The following TEX101 variants were observed in gnomAD, a reference collection of about 807,000 sequenced individuals.
The protein encoded by TEX101 is testis expressed 101, also known as testis-expressed protein 101.
TEX101 carries 10 observed loss-of-function variants against 18.1 expected under a neutral mutation model. The ratio of observed to expected loss-of-function variants is 0.55; its 90% confidence interval spans 0.34 to 0.94. TEX101 has a LOEUF of 0.94. TEX101 is among the 40% of genes least tolerant of loss of function. The probability of loss-of-function intolerance (pLI) is 0.02; values close to 1 mark genes in which losing one functional copy is unlikely to be tolerated. For missense variants in TEX101, 259 were observed against 298.9 expected (o/e 0.87, Z 0.98); for synonymous variants, 94 against 114.8 (o/e 0.82, Z 1.16).
intron 4 of TEX101, among the ~76,000 whole-genome samples, chr19:43,417,552 TATTCCTCC>T (rs1970493518): frequency 6.6e-6 from 1 of 152,222 alleles, no homozygotes; most frequent in Non-Finnish European, 1.5e-5. Flanking sequence ...GGTAGTTGGG[TATTCCTCC>T]ATTCCTTTGT....
intron 2 of TEX101, among the ~76,000 whole-genome samples, chr19:43,404,496 A>T (rs1287810953): frequency 6.6e-6 from 1 of 152,158 alleles, no homozygotes; most frequent in Non-Finnish European, 1.5e-5. Flanking sequence ...TTTGTTTGTT[A>T]TCTTCCAACC....
intron 2 of TEX101, among the ~76,000 whole-genome samples, chr19:43,403,700 G>A (rs1213696489): frequency 6.6e-6 from 1 of 151,472 alleles, no homozygotes; most frequent in Non-Finnish European, 1.5e-5. Context: ...ACTTCATGCT[G>A]TATCAAGTCA....
chr19:43,411,800 G>T (rs1466462817), upstream of TEX101, among the ~76,000 whole-genome samples: 3 of 152,108 alleles, frequency 2.0e-5, no homozygotes, highest in Admixed American at 6.5e-5. Flanking sequence ...ACAGGCGCGT[G>T]CCACCAGGCC....
the TEX101 span, among the ~76,000 whole-genome samples, chr19:43,392,858 G>C: frequency 2.8e-4 from 42 of 152,080 alleles, no homozygotes; most frequent in Non-Finnish European, 5.3e-4. Flanking sequence ...AGGAGTTTGA[G>C]ACCAGCCTGG....
chr19:43,409,816 C>T (rs1970403161), intron 3 of TEX101, among the ~76,000 whole-genome samples: 2 of 151,938 alleles, frequency 1.3e-5, no homozygotes, highest in Admixed American at 1.3e-4. Context: ...GTAAGCAAGG[C>T]GAGTGTTTCC....
chr19:43,417,352 C>T (rs893136157), intron 4 of TEX101, among the ~76,000 whole-genome samples: 1 of 152,178 alleles, frequency 6.6e-6, no homozygotes, highest in East Asian at 1.9e-4. Flanking sequence ...GCTGGGCCTA[C>T]AAGCTGAATA....
At chr19:43,399,417 G>C (rs544835073), upstream of TEX101, among the ~76,000 whole-genome samples, 27 of 152,114 alleles carry the variant, frequency 1.8e-4, no homozygotes, top group South Asian at 2.5e-3. Context: ...AGGCAATGAT[G>C]ATGATCATTG....
intron 4 of TEX101, among the ~76,000 whole-genome samples, chr19:43,417,621 C>T (rs1465558781): frequency 6.6e-6 from 1 of 152,266 alleles, no homozygotes; most frequent in Admixed American, 6.5e-5. Flanking sequence ...ACATGTCTTT[C>T]TCCTAGGCAG....
chr19:43,401,997 T>C (rs569562388), intron 1 of TEX101, among the ~76,000 whole-genome samples: 2 of 152,368 alleles, frequency 1.3e-5, no homozygotes, highest in East Asian at 3.9e-4. Flanking sequence ...TGGTATTCAT[T>C]AAAAGAACTT....
chr19:43,394,688 T>A, the TEX101 span, among the ~76,000 whole-genome samples: 1 of 152,254 alleles, frequency 6.6e-6, no homozygotes, highest in Non-Finnish European at 1.5e-5. Context: ...GCCAGGATGG[T>A]CTGGATCTCT....
intron 3 of TEX101, among the ~76,000 whole-genome samples, chr19:43,406,775 A>G (rs1970367950): frequency 6.6e-6 from 1 of 152,156 alleles, no homozygotes; most frequent in Non-Finnish European, 1.5e-5. Context: ...GATTTGCAAC[A>G]GGAGTTCAGA....
At chr19:43,403,414 T>C (rs1293032806) in intron 2 of TEX101, among the ~76,000 whole-genome samples, 3 of 152,014 alleles carry the variant, frequency 2.0e-5, no homozygotes, top group South Asian at 2.1e-4. Context: ...ATGAGAACAC[T>C]TGGACACCGG....
chr19:43,392,358 T>C, the TEX101 span, among the ~76,000 whole-genome samples: 14 of 152,080 alleles, frequency 9.2e-5, no homozygotes, highest in African/African-American at 3.4e-4. Flanking sequence ...TAAAAATCAA[T>C]GGTGTTATAA....
rs767008128 is a variant in TEX101 at position 43,416,120 on chromosome 19, A to C, written c.86A>C (p.Gln29Pro). The change falls in exon 3 of 6, where the codon CAA becomes CCA. Residue 29 changes from glutamine to proline, a missense_variant. Gln to Pro is a moderately conservative substitution (Grantham distance 76, BLOSUM62 -1). Coordinates refer to ENST00000598265, the MANE Select transcript of TEX101 (RefSeq NM_001130011.3). ...TCAGCGGGCCTAGAGCTGTATTGTC[A>C]AAAGGGTCTGTCCATGACTGTGGAA... ...LLTSGLELYC[Q>P]KGLSMTVEAD... 1.9e-6 allele frequency: 3 copies of C among 1,612,260 alleles called. No homozygotes were observed.
chr19:43,418,289 C>T lies in TEX101; in HGVS notation c.642C>T (p.Leu214=). 6.2e-7 allele frequency: 1 copy of T among 1,614,208 alleles called. No individual in the cohort carries two copies. Among genetic ancestry groups the T allele is most frequent in the Non-Finnish European group, 8.5e-7 (1 of 1,180,034 alleles). The change falls in exon 6 of 6, where the codon CTC becomes CTT. Residue 214 remains leucine (L), a synonymous_variant. Coordinates refer to ENST00000598265, the MANE Select transcript of TEX101 (RefSeq NM_001130011.3). ...FVREACPHQL[L]TQPRKTENGA... is the part of the protein sequence containing the mutation. The stretch of plus-strand genomic sequence containing the variant: ...GGGAAGCGTGCCCACATCAGCTGCT[C>T]ACTCAACCTCGAAAGACTGAAAATG...
chr19:43,409,921 C>T (rs2122333557), upstream of TEX101, among the ~76,000 whole-genome samples: 1 of 152,204 alleles, frequency 6.6e-6, no homozygotes, highest in Admixed American at 6.5e-5. Flanking sequence ...TGTTCCTGTA[C>T]TCCCACCCAA....
At chr19:43,389,720 C>A in the TEX101 span, among the ~76,000 whole-genome samples, 7 of 152,184 alleles carry the variant, frequency 4.6e-5, no homozygotes, top group Non-Finnish European at 1.0e-4. Context: ...GGGCACCCGA[C>A]CCCTCAGCCG....
the TEX101 span, among the ~76,000 whole-genome samples, chr19:43,394,870 C>A: frequency 1.3e-5 from 2 of 152,186 alleles, no homozygotes; most frequent in African/African-American, 4.8e-5. Context: ...GTTTGTTTAT[C>A]TGGAAAATGG....
At chr19:43,405,262 A>C (rs80306394) in intron 2 of TEX101, among the ~76,000 whole-genome samples, 13,323 of 152,214 alleles carry the variant, frequency 0.088, 649 homozygotes, top group Middle Eastern at 0.18. Context: ...AAAGATTATC[A>C]GAGTGGATTA....
Sources: gnomAD v4.1 joint callset for allele counts (sites outside exome capture counted in the v4.1 genomes callset) on GRCh38, gnomAD v4.1.1 for gene constraint, MANE v1.5 for transcripts, NCBI Gene and HGNC (gene_info 2026-07-23, HGNC 2026-07-21) for gene names.